LPAR1: variants seen among roughly 807,000 people sequenced by gnomAD.
LPAR1 encodes lysophosphatidic acid receptor 1.
LPAR1 carries 5 observed loss-of-function variants against 23.8 expected under a neutral mutation model. The observed-to-expected ratio is 0.21, with a 90% CI of 0.11 to 0.44. The LOEUF (loss-of-function observed/expected upper bound fraction) is 0.44, where lower values mean the gene tolerates loss of function less well. Among genes scored for constraint, LPAR1 ranks in the 20% least tolerant of loss-of-function variants. The pLI is 0.99. For missense variants in LPAR1, 311 were observed against 482.8 expected, an observed-to-expected ratio of 0.64 and a Z score of 3.33; for synonymous variants, 160 against 164.7, an observed-to-expected ratio of 0.97 and a Z score of 0.22.
chr9:111,030,885 A>C (rs1006404777), intron 2 of LPAR1, among the ~76,000 whole-genome samples: 2 of 152,208 alleles, frequency 1.3e-5, no homozygotes, highest in Non-Finnish European at 2.9e-5. Context: ...AAAGCAAAAG[A>C]AAATGGAGGC....
chr9:110,978,730 C>G lies in LPAR1; in HGVS notation c.-181-5172G>C, dbSNP rs531064355. On this transcript the variant is annotated intron_variant, in intron 2 of 5. Coordinates refer to ENST00000683809, the MANE Select transcript of LPAR1 (RefSeq NM_001351411.2). ...AAGCCAGTCTTACATCATCTAAGGCCTGAGACGGAAAGATTTTTCTCTCTG... is the reference window on the plus strand; with the variant it reads ...AAGCCAGTCTTACATCATCTAAGGCGTGAGACGGAAAGATTTTTCTCTCTG... 5.9e-5 allele frequency among the ~76,000 whole-genome samples: 9 copies of G among 152,234 alleles called. No individual in the cohort carries two copies. The East Asian group carries it at 1.7e-3, about 29-fold the overall frequency.
At chr9:110,996,639 G>T (rs191945603) in intron 2 of LPAR1, among the ~76,000 whole-genome samples, 1 of 152,232 alleles carries the variant, frequency 6.6e-6, no homozygotes, top group Admixed American at 6.5e-5. Flanking sequence ...AAGTCATAGC[G>T]ATAAAATGAG....
intron 5 of LPAR1, among the ~76,000 whole-genome samples, chr9:110,900,620 G>A (rs1318346948): frequency 1.3e-5 from 2 of 152,120 alleles, no homozygotes; most frequent in Non-Finnish European, 2.9e-5. Context: ...TAATGTTACA[G>A]TTTCTGGCAC....
At chr9:110,989,159 G>C (rs1017782037) in intron 2 of LPAR1, among the ~76,000 whole-genome samples, 16 of 152,108 alleles carry the variant, frequency 1.1e-4, no homozygotes, top group Non-Finnish European at 2.1e-4. Flanking sequence ...AAACAAATAT[G>C]AGGTTTCTCT....
Position 111,022,978 on chromosome 9 carries a change from C to A in LPAR1, c.-182+13144G>T, listed in dbSNP as rs1015539487. Reference sequence around the variant, plus strand: ...TGAGGCAGGAGAATGGCGTGCCCGGCAAGCAGAGCTTGCAGTGAGCCAAGA... The same window carrying A: ...TGAGGCAGGAGAATGGCGTGCCCGGAAAGCAGAGCTTGCAGTGAGCCAAGA... On this transcript the variant is annotated intron_variant, in intron 2 of 5. Transcript: ENST00000683809. 7.2e-5 allele frequency among the ~76,000 whole-genome samples: 10 copies of A among 139,632 alleles called. 1 individual carries two copies. The highest frequency in any genetic ancestry group is 2.2e-4 in the East Asian group (1 of 4,590). 91.6% of individuals were successfully genotyped at this position (139,632 alleles called of 152,430 possible). A position where few individuals can be genotyped will look rare whatever the true frequency, so the allele number is the denominator to read the frequency against.
At chr9:110,876,346 C>T (rs1319598669) in intron 5 of LPAR1, among the ~76,000 whole-genome samples, 1 of 152,188 alleles carries the variant, frequency 6.6e-6, no homozygotes, top group East Asian at 1.9e-4. Flanking sequence ...TTATTACCTG[C>T]TGAGTAGCAT....
At chr9:111,005,909 C>G (rs1384866387) in intron 2 of LPAR1, among the ~76,000 whole-genome samples, 3 of 152,210 alleles carry the variant, frequency 2.0e-5, no homozygotes, top group Non-Finnish European at 4.4e-5. Context: ...GCCATCACCT[C>G]TGTACCTTGC....
chr9:110,914,325 C>T (rs1366567729), intron 5 of LPAR1, among the ~76,000 whole-genome samples: 1 of 152,198 alleles, frequency 6.6e-6, no homozygotes, highest in African/African-American at 2.4e-5. Context: ...GGGGAGGCCT[C>T]ACAATCATGG....
chr9:110,916,584 AC>A (rs767434460), intron 5 of LPAR1, among the ~76,000 whole-genome samples: 1 of 97,834 alleles, frequency 1.0e-5, no homozygotes, highest in East Asian at 2.9e-4. Context: ...GATCACTCAG[AC>A]CCTCCGTAGG....
chr9:110,907,213 G>A (rs1374479616), intron 5 of LPAR1, among the ~76,000 whole-genome samples: 1 of 152,074 alleles, frequency 6.6e-6, no homozygotes, highest in South Asian at 2.1e-4. Context: ...ATAATATTCT[G>A]TCCGGCAAAA....
At chr9:110,987,715 G>A (rs1051758506) in intron 2 of LPAR1, among the ~76,000 whole-genome samples, 8 of 151,464 alleles carry the variant, frequency 5.3e-5, no homozygotes, top group South Asian at 4.2e-4. Flanking sequence ...TACCTGTGGG[G>A]TTCGCATACC....
intron 5 of LPAR1, among the ~76,000 whole-genome samples, chr9:110,881,922 C>T (rs2080973551): frequency 6.6e-6 from 1 of 152,180 alleles, no homozygotes; most frequent in African/African-American, 2.4e-5. Flanking sequence ...CATCTCTTTC[C>T]ACTCGCTCCT....
At chr9:111,016,917 C>T (rs921211814) in intron 2 of LPAR1, among the ~76,000 whole-genome samples, 1 of 151,986 alleles carries the variant, frequency 6.6e-6, no homozygotes, top group African/African-American at 2.4e-5. Context: ...TTTTTTAACC[C>T]CATTGTCACA....
At chr9:110,965,168 G>T (rs536863831) in intron 4 of LPAR1, among the ~76,000 whole-genome samples, 2 of 151,894 alleles carry the variant, frequency 1.3e-5, no homozygotes, top group South Asian at 4.1e-4. Context: ...GCACCCAGCC[G>T]CAATCACTTT....
intron 2 of LPAR1, among the ~76,000 whole-genome samples, chr9:111,005,545 T>TA (rs2097200250): frequency 4.0e-5 from 1 of 24,760 alleles, no homozygotes; most frequent in South Asian, 1.5e-3. Context: ...AGACCCTGTC[T>TA]CAAAAAAAAA....
intron 2 of LPAR1, among the ~76,000 whole-genome samples, chr9:111,034,560 C>T (rs187590869): frequency 3.9e-5 from 6 of 152,192 alleles, no homozygotes; most frequent in African/African-American, 1.4e-4. Flanking sequence ...TATCAATTTG[C>T]GGAGAGTAGG....
intron 5 of LPAR1, among the ~76,000 whole-genome samples, chr9:110,911,181 A>G (rs1325670015): frequency 6.6e-6 from 1 of 152,188 alleles, no homozygotes; most frequent in Non-Finnish European, 1.5e-5. Flanking sequence ...CAGCCACCCC[A>G]ATCTTCAGCA....
At chr9:110,895,762 C>A (rs751736725) in intron 5 of LPAR1, among the ~76,000 whole-genome samples, 1 of 152,070 alleles carries the variant, frequency 6.6e-6, no homozygotes, top group Non-Finnish European at 1.5e-5. Context: ...CAAAGGCCAG[C>A]GCTGAGAGAA....
At chr9:110,954,549 A>C (rs933526983) in intron 4 of LPAR1, among the ~76,000 whole-genome samples, 1 of 152,188 alleles carries the variant, frequency 6.6e-6, no homozygotes, top group Non-Finnish European at 1.5e-5. Flanking sequence ...AAGGACAAAC[A>C]GAGAATTATA....
Sources: gnomAD v4.1 joint callset for allele counts (sites outside exome capture counted in the v4.1 genomes callset) on GRCh38, gnomAD v4.1.1 for gene constraint, MANE v1.5 for transcripts, NCBI Gene and HGNC (gene_info 2026-07-23, HGNC 2026-07-21) for gene names.